The following RERG variants were observed in gnomAD, a reference collection of about 807,000 sequenced individuals.
RERG encodes RAS like estrogen regulated growth inhibitor.
Under a neutral mutation model 23.2 loss-of-function variants are expected in RERG, and 25 were observed. The ratio of observed to expected loss-of-function variants is 1.08; its 90% CI spans 0.79 to 1.50. The LOEUF is 1.50. Among genes scored for constraint, RERG ranks in the 40% most tolerant of loss-of-function variants. RERG has a pLI of 0.00. For synonymous variants in RERG, 81 were observed against 89.1 expected (o/e 0.91, Z 0.51); for missense variants, 253 against 250.1 (o/e 1.01, Z -0.08).
intron 2 of RERG, among the ~76,000 whole-genome samples, chr12:15,131,020 C>A: frequency 6.6e-6 from 1 of 151,910 alleles, no homozygotes; most frequent in African/African-American, 2.4e-5. Context: ...AGAATCATTG[C>A]TTTTAATTCC....
chr12:15,124,698 A>G lies in RERG; in HGVS notation c.62-3579T>C, dbSNP rs185998717. Among the ~76,000 whole-genome samples, 708 of 152,170 alleles carry G rather than the reference A, an allele frequency of 4.7e-3. 7 individuals are homozygous for G. Among genetic ancestry groups the G allele is most frequent in the African/African-American group, 0.016 (672 of 41,564 alleles). On this transcript the variant is annotated intron_variant, in intron 2 of 4. Coordinates refer to ENST00000256953, the MANE Select transcript of RERG (RefSeq NM_032918.3). ...TCCGCTCCAAAACTTTGTAGCATAC[A>G]ACAATAAGTATTTATTATGGAAAAA...
In RERG at chr12:15,109,339, T is replaced by A. The variant is rs1863558910; in HGVS notation, c.371A>T (p.His124Leu). The change falls in exon 5 of 5, where the codon CAC becomes CTC. Residue 124 changes from histidine (H) to leucine (L), a missense_variant. Transcript: ENST00000256953. ...ILVGNKADLD[H>L]SRQVSTEEGE... is the part of the protein sequence containing the mutation. ...TTCTTCTGTGCTAACCTGCCTGGAGTGGTCCAAGTCAGCTTTGTTTCCAAC... is the reference window on the plus strand; with the variant it reads ...TTCTTCTGTGCTAACCTGCCTGGAGAGGTCCAAGTCAGCTTTGTTTCCAAC... 3 of 1,613,914 alleles carry A rather than the reference T, an allele frequency of 1.9e-6. No individual in the cohort carries two copies. Among genetic ancestry groups the A allele is most frequent in the Non-Finnish European group, 2.5e-6 (3 of 1,180,020 alleles).
intron 3 of RERG, among the ~76,000 whole-genome samples, chr12:15,116,991 A>G (rs967370265): frequency 6.6e-6 from 1 of 152,200 alleles, no homozygotes; most frequent in African/African-American, 2.4e-5. Flanking sequence ...ATGAGGCATT[A>G]AAAGTTACAC....
intron 2 of RERG, among the ~76,000 whole-genome samples, chr12:15,183,625 T>A (rs1468549822): frequency 1.3e-5 from 2 of 152,190 alleles, no homozygotes; most frequent in African/African-American, 4.8e-5. Context: ...TACAACATGT[T>A]ATTTTACTAT....
chr12:15,180,655 C>T (rs138624990), intron 2 of RERG, among the ~76,000 whole-genome samples: 57 of 152,284 alleles, frequency 3.7e-4, no homozygotes, highest in African/African-American at 1.2e-3. Context: ...TAAATAGGGA[C>T]GAGGTAGAGC....
At chr12:15,205,180 C>T (rs142878723) in intron 2 of RERG, among the ~76,000 whole-genome samples, 1,719 of 151,984 alleles carry the variant, frequency 0.011, 92 homozygotes, top group Admixed American at 0.093. Context: ...AAGTTATACA[C>T]GCTCAGGAAA....
intron 2 of RERG, among the ~76,000 whole-genome samples, chr12:15,190,415 G>A (rs946389828): frequency 6.6e-5 from 10 of 152,154 alleles, no homozygotes; most frequent in African/African-American, 2.4e-4. Context: ...TGCACAGGCC[G>A]CAGGTCGGAC....
At chr12:15,211,933 G>C (rs1348693287) in intron 2 of RERG, among the ~76,000 whole-genome samples, 2 of 151,708 alleles carry the variant, frequency 1.3e-5, no homozygotes, top group African/African-American at 2.4e-5. Flanking sequence ...GAGATACAGG[G>C]TTGTTGTCAG....
chr12:15,204,130 A>G (rs925955763), intron 2 of RERG, among the ~76,000 whole-genome samples: 32 of 151,808 alleles, frequency 2.1e-4, no homozygotes, highest in African/African-American at 6.5e-4. Flanking sequence ...TTCAAGTAAG[A>G]ACAAACTTGG....
chr12:15,214,039 C>CGT (rs1565540008), intron 2 of RERG, among the ~76,000 whole-genome samples: 1 of 62,132 alleles, frequency 1.6e-5, no homozygotes, highest in African/African-American at 7.9e-5. Context: ...TGTGTGTGTG[C>CGT]GCGTGTGTGG....
rs898966524 is a variant in RERG, at chr12:15,107,941, T to C, written c.*1169A>G. On this transcript the variant is annotated 3_prime_UTR_variant, in exon 5 of 5. Coordinates refer to ENST00000256953, the MANE Select transcript of RERG (RefSeq NM_032918.3). Reference sequence around the variant, plus strand: ...TAAATACATACATATGTAAAAGATATATATTTTCTACTAAAATAAAGTACC... The same window carrying C: ...TAAATACATACATATGTAAAAGATACATATTTTCTACTAAAATAAAGTACC... The C allele has an allele frequency of 1.2e-4, 19 of 152,750 alleles. No individual in the cohort carries two copies. The highest frequency in any genetic ancestry group is 2.2e-4 in the Non-Finnish European group (15 of 68,002). The allele number at this position is 152,750 out of a possible 1,614,324, so 9.5% of individuals were successfully genotyped here.
intron 2 of RERG, among the ~76,000 whole-genome samples, chr12:15,148,864 T>TG (rs1864383936): frequency 1.3e-5 from 1 of 76,140 alleles, no homozygotes. Flanking sequence ...TTTTTTTTTT[T>TG]TTTTTTTTTT....
chr12:15,123,374 T>C (rs1160074532), intron 2 of RERG, among the ~76,000 whole-genome samples: 7 of 151,652 alleles, frequency 4.6e-5, no homozygotes, highest in Non-Finnish European at 1.5e-5. Flanking sequence ...CAGCAATACT[T>C]TCTGAAGCTG....
rs78664933 is a variant in RERG at position 15,174,088 on chromosome 12, G to A, written c.61+43341C>T. Among the ~76,000 whole-genome samples, 586 of 151,874 alleles carry A rather than the reference G, an allele frequency of 3.9e-3. 4 individuals carry two copies. The highest frequency in any genetic ancestry group is 4.4e-3 in the Non-Finnish European group (296 of 67,846). On this transcript the variant is annotated intron_variant, in intron 2 of 4. Coordinates refer to ENST00000256953, the MANE Select transcript of RERG (RefSeq NM_032918.3). ...CTGTATGAAGGATTCCTTTTAATAC[G>A]TTTTGTAAGGCAGTCTTGATAGAGA... is the stretch of plus-strand genomic sequence containing the variant.
At chr12:15,148,845 C>CTTT (rs1864379875) in intron 2 of RERG, among the ~76,000 whole-genome samples, 1 of 71,970 alleles carries the variant, frequency 1.4e-5, no homozygotes, top group Admixed American at 1.7e-4. Context: ...TCCTTTAACT[C>CTTT]TGTTTTTTTT....
chr12:15,158,512 G>T (rs1565523230), intron 2 of RERG, among the ~76,000 whole-genome samples: 1 of 151,936 alleles, frequency 6.6e-6, no homozygotes, highest in Non-Finnish European at 1.5e-5. Context: ...AAACTCCTGG[G>T]CTCAAGCGAT....
chr12:15,157,350 A>T lies in RERG; in HGVS notation c.62-36231T>A, dbSNP rs747833216. Among the ~76,000 whole-genome samples, 49 of 152,080 alleles carry T rather than the reference A, an allele frequency of 3.2e-4. 1 individual carries two copies. Among genetic ancestry groups the T allele is most frequent in the Admixed American group, 1.3e-4 (2 of 15,268 alleles). On this transcript the variant is annotated intron_variant, in intron 2 of 4. Transcript: ENST00000256953. ...TTGAGAAATATTTTACAATCCATCC[A>T]CCCCCAGTTTTCCTATGACAAAATG...
chr12:15,135,893 A>G (rs781333264), intron 2 of RERG, among the ~76,000 whole-genome samples: 1 of 152,052 alleles, frequency 6.6e-6, no homozygotes, highest in Non-Finnish European at 1.5e-5. Flanking sequence ...TGCTTTTGGT[A>G]TTAGGATAAT....
In RERG at chr12:15,172,300, A is replaced by G. The variant is rs558787943; in HGVS notation, c.61+45129T>C. Among the ~76,000 whole-genome samples, 7 of 152,260 alleles carry G rather than the reference A, an allele frequency of 4.6e-5. No homozygotes were observed. The East Asian group carries it at 1.3e-3, about 29-fold the overall frequency. On this transcript the variant is annotated intron_variant, in intron 2 of 4. Transcript: ENST00000256953. ...TTTCAAGATTCATCCATGTTATAGCATGTTTGAGTAAGTATTTCTTTTTAT... is the reference window on the plus strand; with the variant it reads ...TTTCAAGATTCATCCATGTTATAGCGTGTTTGAGTAAGTATTTCTTTTTAT...
Sources: gnomAD v4.1 joint callset for allele counts (sites outside exome capture counted in the v4.1 genomes callset) on GRCh38, gnomAD v4.1.1 for gene constraint, MANE v1.5 for transcripts, NCBI Gene and HGNC (gene_info 2026-07-23, HGNC 2026-07-21) for gene names.